The following NEK11 variants were observed in gnomAD, a reference collection of about 807,000 sequenced individuals.
The protein encoded by NEK11 is serine/threonine-protein kinase Nek11.
Under a neutral mutation model 80.7 loss-of-function variants are expected in NEK11, and 72 were observed. The ratio of observed to expected loss-of-function variants is 0.89; its 90% confidence interval spans 0.74 to 1.08. The LOEUF is 1.08. Among genes scored for constraint, NEK11 ranks in the 50% least tolerant of loss-of-function variants. NEK11 has a pLI of 0.00. For synonymous variants in NEK11, 251 were observed against 260.7 expected, an observed-to-expected ratio of 0.96 and a Z score of 0.36; for missense variants, 764 against 763.6, an observed-to-expected ratio of 1.00 and a Z score of -0.01.
intron 3 of NEK11, among the ~76,000 whole-genome samples, chr3:131,077,941 G>A (rs2074635831): frequency 2.6e-5 from 4 of 152,182 alleles, no homozygotes; most frequent in Admixed American, 2.6e-4. Flanking sequence ...TTATTAAATA[G>A]GAGCCTAATA....
chr3:131,275,475 T>G (rs1447750397), intron 17 of NEK11, among the ~76,000 whole-genome samples: 1 of 152,234 alleles, frequency 6.6e-6, no homozygotes, highest in Non-Finnish European at 1.5e-5. Context: ...TGTGTTGTTT[T>G]TTTTCTCCTT....
At chr3:131,162,293 T>C in intron 10 of NEK11, 115 bp from the exon 11 acceptor site, 1 of 1,312,316 alleles carries the variant, frequency 7.6e-7, no homozygotes, top group Non-Finnish European at 1.0e-6. Flanking sequence ...TTGCCTGGCC[T>C]GTCTCAAGAT....
At chr3:131,109,123 G>A (rs2079658937) in intron 4 of NEK11, among the ~76,000 whole-genome samples, 1 of 152,068 alleles carries the variant, frequency 6.6e-6, no homozygotes, top group East Asian at 1.9e-4. Context: ...TTGAAGGTTT[G>A]TGTGATAACT....
chr3:131,278,609 TC>T (rs2096343610), intron 17 of NEK11, among the ~76,000 whole-genome samples: 1 of 152,114 alleles, frequency 6.6e-6, no homozygotes, highest in Non-Finnish European at 1.5e-5. Flanking sequence ...CAGGCCTGGC[TC>T]CATGCTCCCA....
intron 17 of NEK11, among the ~76,000 whole-genome samples, chr3:131,315,574 C>T (rs541792242): frequency 1.3e-5 from 2 of 150,636 alleles, no homozygotes; most frequent in Non-Finnish European, 3.0e-5. Context: ...TTTTAAGTTC[C>T]GGGGTACATG....
At chr3:131,067,777 C>T (rs950565729) in intron 3 of NEK11, among the ~76,000 whole-genome samples, 4 of 152,068 alleles carry the variant, frequency 2.6e-5, no homozygotes, top group African/African-American at 9.7e-5. Context: ...AAGAGATGTT[C>T]AAAGGGTCAT....
At chr3:131,047,333 T>A (rs1328182234) in intron 3 of NEK11, among the ~76,000 whole-genome samples, 1 of 152,206 alleles carries the variant, frequency 6.6e-6, no homozygotes, top group Non-Finnish European at 1.5e-5. Context: ...GTGTGATCTT[T>A]TGGGGGTGTT....
chr3:131,279,709 G>C (rs1252082833), intron 17 of NEK11, among the ~76,000 whole-genome samples: 1 of 152,044 alleles, frequency 6.6e-6, no homozygotes, highest in African/African-American at 2.4e-5. Flanking sequence ...TAGCATCATA[G>C]ACCCCCATTG....
intron 4 of NEK11, among the ~76,000 whole-genome samples, chr3:131,108,751 C>T (rs748051679): frequency 2.2e-4 from 34 of 151,930 alleles, no homozygotes; most frequent in Non-Finnish European, 3.7e-4. Context: ...TAACTAAATG[C>T]TTAAACGATG....
At chr3:131,286,695 A>G (rs771282063) in intron 17 of NEK11, among the ~76,000 whole-genome samples, 1 of 152,212 alleles carries the variant, frequency 6.6e-6, no homozygotes, top group Non-Finnish European at 1.5e-5. Flanking sequence ...TAGAAAAAGG[A>G]AGCATGCAAC....
intron 15 of NEK11, among the ~76,000 whole-genome samples, chr3:131,229,670 C>T (rs753278336): frequency 7.2e-5 from 11 of 151,816 alleles, no homozygotes; most frequent in Non-Finnish European, 1.5e-4. Context: ...GATTATGTGT[C>T]ATAATATTCA....
At chr3:131,112,593 A>G (rs2080316680) in intron 5 of NEK11, among the ~76,000 whole-genome samples, 1 of 152,192 alleles carries the variant, frequency 6.6e-6, no homozygotes, top group Non-Finnish European at 1.5e-5. Context: ...AACAAGTGAT[A>G]AAAGGGCCAA....
intron 17 of NEK11, among the ~76,000 whole-genome samples, chr3:131,282,487 T>A (rs189295211): frequency 1.3e-3 from 191 of 152,306 alleles, no homozygotes; most frequent in Middle Eastern, 6.8e-3. Flanking sequence ...CAGGTTTCTG[T>A]ATTTTTGCAT....
chr3:131,215,001 G>A (rs7639065), intron 14 of NEK11, among the ~76,000 whole-genome samples: 65,234 of 151,896 alleles, frequency 0.43, 15,125 homozygotes, highest in Middle Eastern at 0.63. Flanking sequence ...TACTAACCCT[G>A]TAGTTTATTG....
At chr3:131,147,362 A>G (rs891763090) in intron 7 of NEK11, among the ~76,000 whole-genome samples, 1 of 152,040 alleles carries the variant, frequency 6.6e-6, no homozygotes, top group African/African-American at 2.4e-5. Context: ...TTTTTGCATT[A>G]ATCAAGTGAT....
At chr3:131,167,434 G>C (rs981253768) in intron 12 of NEK11, among the ~76,000 whole-genome samples, 9 of 152,206 alleles carry the variant, frequency 5.9e-5, no homozygotes, top group Non-Finnish European at 1.2e-4. Context: ...TCAAGTATGA[G>C]CTTAAATATT....
At chr3:131,333,382 A>C (rs1316495275) in intron 17 of NEK11, among the ~76,000 whole-genome samples, 1 of 152,182 alleles carries the variant, frequency 6.6e-6, no homozygotes, top group Non-Finnish European at 1.5e-5. Context: ...TCATAAGTGG[A>C]GGAGAAATAA....
chr3:131,233,034 AAG>A (rs2095362760), intron 15 of NEK11, among the ~76,000 whole-genome samples: 1 of 140,512 alleles, frequency 7.1e-6, no homozygotes, highest in Admixed American at 7.1e-5. Flanking sequence ...GGAAGGAAGG[AAG>A]GTTGGATGAG....
intron 14 of NEK11, among the ~76,000 whole-genome samples, chr3:131,203,773 A>G (rs75816143): frequency 0.1 from 172 of 1,656 alleles, 1 homozygote; most frequent in Admixed American, 0.16. Flanking sequence ...GTGTGTATAT[A>G]TATATATATA....
Sources: gnomAD v4.1 joint callset for allele counts (sites outside exome capture counted in the v4.1 genomes callset) on GRCh38, gnomAD v4.1.1 for gene constraint, MANE v1.5 for transcripts, NCBI Gene and HGNC (gene_info 2026-07-23, HGNC 2026-07-21) for gene names.